The following ASH1L variants were observed in gnomAD, a reference collection of about 807,000 sequenced individuals.
ASH1L encodes ASH1 like histone lysine methyltransferase, also known as histone-lysine N-methyltransferase ASH1L.
A neutral mutation model predicts 269.0 loss-of-function variants in ASH1L; 23 were observed. The observed-to-expected ratio is 0.09, with a 90% CI of 0.06 to 0.12. The LOEUF (loss-of-function observed/expected upper bound fraction) is 0.12, where lower values mean the gene tolerates loss of function less well. Ranked by LOEUF, ASH1L falls within the 10% of genes least tolerant of loss-of-function variation. The pLI is 1.00. For missense variants in ASH1L, 2,912 were observed against 3,567.8 expected (o/e 0.82, Z 4.68); for synonymous variants, 1,187 against 1,253.5 (o/e 0.95, Z 1.12).
At chr1:155,406,949 A>G (rs746490550) in intron 6 of ASH1L, among the ~76,000 whole-genome samples, 8 of 152,206 alleles carry the variant, frequency 5.3e-5, no homozygotes, top group Admixed American at 3.3e-4. Context: ...AGTTAAAAGA[A>G]AAAGATAATT....
At chr1:155,369,658 GA>G (rs1281898957) in intron 12 of ASH1L, among the ~76,000 whole-genome samples, 1 of 152,114 alleles carries the variant, frequency 6.6e-6, no homozygotes, top group Non-Finnish European at 1.5e-5. Context: ...CTCTTTGTGA[GA>G]AATGCACCAG....
intron 3 of ASH1L, among the ~76,000 whole-genome samples, chr1:155,471,236 G>A (rs1665076183): frequency 1.3e-5 from 2 of 152,204 alleles, no homozygotes; most frequent in South Asian, 4.1e-4. Context: ...AATATAGCTG[G>A]TCTTTGTCCC....
At position 155,378,639 on chromosome 1, in the gene ASH1L, T is replaced by C. The variant is rs539558032; in HGVS notation, c.6178-91A>G. Reference sequence around the variant, plus strand: ...CACTAAAAATACAGGAAATTTTCTATGTGCTCTGCTCATCTGGAAATATTT... The same window carrying C: ...CACTAAAAATACAGGAAATTTTCTACGTGCTCTGCTCATCTGGAAATATTT... On this transcript the variant is annotated intron_variant, in intron 8 of 27. Coordinates refer to ENST00000392403, the MANE Select transcript of ASH1L (RefSeq NM_018489.3). 438 of 990,572 alleles carry C rather than the reference T, an allele frequency of 4.4e-4. 5 individuals are homozygous for C. In the South Asian group the frequency reaches 6.2e-3, roughly 14 times the overall value. 61.4% of individuals were successfully genotyped at this position (990,572 alleles called of 1,614,324 possible). A position where few individuals can be genotyped will look rare whatever the true frequency, so the allele number is the denominator to read the frequency against.
At chr1:155,489,834 A>C (rs1386119547) in intron 2 of ASH1L, among the ~76,000 whole-genome samples, 1 of 150,498 alleles carries the variant, frequency 6.6e-6, no homozygotes, top group African/African-American at 2.4e-5. Flanking sequence ...AAATAAATAA[A>C]TAACAATATG....
chr1:155,463,745 T>C (rs1377015707), intron 3 of ASH1L, among the ~76,000 whole-genome samples: 1 of 152,094 alleles, frequency 6.6e-6, no homozygotes, highest in Admixed American at 6.5e-5. Flanking sequence ...CAGCAAGCTG[T>C]GATCGCACCA....
At chr1:155,541,697 T>C (rs1159643602) in intron 1 of ASH1L, among the ~76,000 whole-genome samples, 2 of 152,182 alleles carry the variant, frequency 1.3e-5, no homozygotes, top group Non-Finnish European at 1.5e-5. Flanking sequence ...ATGTACTCTA[T>C]ATATTTCTTC....
chr1:155,416,850 CCTTCCTTTT>C (rs964794582), intron 5 of ASH1L, among the ~76,000 whole-genome samples: 42 of 150,060 alleles, frequency 2.8e-4, no homozygotes, highest in Admixed American at 2.7e-4. Flanking sequence ...CCTTTCCTTT[CCTTCCTTTT>C]CTTCCTTTCC....
At chr1:155,379,223 C>T (rs1272909633) in intron 8 of ASH1L, among the ~76,000 whole-genome samples, 3 of 152,110 alleles carry the variant, frequency 2.0e-5, no homozygotes, top group Non-Finnish European at 4.4e-5. Flanking sequence ...AATAATCCCA[C>T]CATTATTTTC....
rs534366400 is a variant in ASH1L, at chr1:155,562,538, C to T, written c.-485G>A. On this transcript the variant is annotated 5_prime_UTR_variant, in exon 1 of 28. Coordinates refer to ENST00000392403, the MANE Select transcript of ASH1L (RefSeq NM_018489.3). ...CCCCCTCAACCTTCCACTCCTTCCT[C>T]CTTGCGTTCTTTCCCACCGTCCCCC... The T allele has an allele frequency of 1.1e-3, 1,653 of 1,525,986 alleles. 16 individuals are homozygous for T. In the African/African-American group the frequency reaches 0.021, roughly 19 times the overall value. The allele number at this position is 1,525,986 out of a possible 1,614,324, so 94.5% of individuals were successfully genotyped here.
In ASH1L at chr1:155,338,090, A is replaced by G; in HGVS notation, c.8802T>C (p.Asn2934=). Residue 2934 remains asparagine (N), a splice_region_variant and synonymous_variant, in exon 27 of 28, where the codon AAT becomes AAC. Transcript: ENST00000392403. ...LNLLEKIPGK[N]AIDVTYLLEE... ...AGATATGAACCTGATTCTTCTTACC[A>G]TTTTTTCCAGGGATTTTTTCAAGGA... 1 of 1,611,598 alleles carries G rather than the reference A, an allele frequency of 6.2e-7. No homozygotes were observed. Among genetic ancestry groups the G allele is most frequent in the Non-Finnish European group, 8.5e-7 (1 of 1,178,456 alleles).
At chr1:155,457,532 A>G (rs1472784029) in intron 4 of ASH1L, among the ~76,000 whole-genome samples, 2 of 152,220 alleles carry the variant, frequency 1.3e-5, no homozygotes, top group Non-Finnish European at 2.9e-5. Flanking sequence ...TTCAATATAC[A>G]GTAGTGTGCG....
chr1:155,449,109 T>C (rs113352539), intron 4 of ASH1L, among the ~76,000 whole-genome samples: 1,554 of 152,242 alleles, frequency 0.01, 38 homozygotes, highest in African/African-American at 0.036. Context: ...AATTTTTTTG[T>C]ATTTTTAGCA....
chr1:155,337,598 A>G lies in ASH1L; in HGVS notation c.*62T>C. Reference sequence around the variant, plus strand: ...CCACCCCTGTCTATACCCAGAGAGCAGGAGGCAGGACTGATTAGCTCCACT... The same window carrying G: ...CCACCCCTGTCTATACCCAGAGAGCGGGAGGCAGGACTGATTAGCTCCACT... On this transcript the variant is annotated 3_prime_UTR_variant, in exon 28 of 28. Transcript: ENST00000392403. 7.2e-7 allele frequency: 1 copy of G among 1,385,932 alleles called. No individual in the cohort carries two copies. The highest frequency in any genetic ancestry group is 1.0e-6 in the Non-Finnish European group (1 of 974,040). 85.9% of individuals were successfully genotyped at this position (1,385,932 alleles called of 1,614,324 possible).
chr1:155,489,322 A>C (rs978232473), intron 2 of ASH1L, among the ~76,000 whole-genome samples: 3 of 151,858 alleles, frequency 2.0e-5, no homozygotes, highest in Non-Finnish European at 4.4e-5. Flanking sequence ...AAATACAAAA[A>C]AATTAGCTGG....
chr1:155,402,860 T>C, intron 6 of ASH1L, among the ~76,000 whole-genome samples: 1 of 148,578 alleles, frequency 6.7e-6, no homozygotes, highest in East Asian at 1.9e-4. Flanking sequence ...AGCCAAGTTA[T>C]ACTTTTTTTT....
intron 6 of ASH1L, among the ~76,000 whole-genome samples, chr1:155,411,590 T>A (rs199925722): frequency 0.022 from 388 of 17,934 alleles, 3 homozygotes; most frequent in East Asian, 0.11. Flanking sequence ...TAAATAAATA[T>A]ATATATATAT....
intron 2 of ASH1L, among the ~76,000 whole-genome samples, chr1:155,487,882 G>C (rs1038471552): frequency 6.7e-6 from 1 of 150,210 alleles, no homozygotes; most frequent in Non-Finnish European, 1.5e-5. Flanking sequence ...TTCAAGCCTG[G>C]TTTTTCACTT....
intron 5 of ASH1L, chr1:155,433,119 A>C (rs1661729631): frequency 7.2e-7 from 1 of 1,390,716 alleles, no homozygotes; most frequent in African/African-American, 1.5e-5. Flanking sequence ...GACTGATAGA[A>C]AGGAATATAA....
At chr1:155,487,578 G>A (rs977264930) in intron 2 of ASH1L, among the ~76,000 whole-genome samples, 2 of 151,944 alleles carry the variant, frequency 1.3e-5, no homozygotes, top group South Asian at 2.1e-4. Context: ...GTAGAGATGA[G>A]GTCTTGCTTT....
Sources: allele counts gnomAD v4.1 joint callset (sites outside exome capture counted in the v4.1 genomes callset), GRCh38; gene constraint gnomAD v4.1.1; transcripts MANE v1.5; gene names NCBI Gene and HGNC (gene_info 2026-07-23, HGNC 2026-07-21).